Variants in CCDC83 observed in about 807,000 individuals in gnomAD.
CCDC83 encodes coiled-coil domain-containing protein 83.
In CCDC83, 54 loss-of-function variants were observed where a neutral mutation model predicts 50.1. That is an observed-to-expected ratio of 1.08 (90% CI 0.87 to 1.35). The LOEUF is 1.35. Among genes scored for constraint, CCDC83 ranks in the 40% most tolerant of loss-of-function variants. The pLI is 0.00. For missense variants in CCDC83, 518 were observed against 473.9 expected (o/e 1.09, Z -0.86); for synonymous variants, 161 against 153.3 (o/e 1.05, Z -0.37).
At chr11:85,882,863 A>G (rs17744675) in intron 4 of CCDC83, among the ~76,000 whole-genome samples, 188 bp downstream of exon 4, 21,019 of 152,188 alleles carry the variant, frequency 0.14, 1,783 homozygotes, top group Middle Eastern at 0.19. Flanking sequence ...GGGTAGAGGT[A>G]ATGAAGCCAA....
intron 3 of CCDC83, among the ~76,000 whole-genome samples, chr11:85,879,250 T>G (rs965794153): frequency 1.3e-5 from 2 of 152,204 alleles, no homozygotes; most frequent in African/African-American, 4.8e-5. Context: ...TTCTAAAATT[T>G]TTGTAGTTTC....
intron 10 of CCDC83, 62 bp from the exon 11 acceptor site, chr11:85,919,287 C>A: frequency 6.9e-7 from 1 of 1,451,920 alleles, no homozygotes; most frequent in Non-Finnish European, 9.3e-7. Context: ...AAAGCCTAAT[C>A]TATCAAGCTG....
At chr11:85,865,709 G>A (rs1182265136) in intron 2 of CCDC83, among the ~76,000 whole-genome samples, 2 of 152,080 alleles carry the variant, frequency 1.3e-5, no homozygotes, top group Non-Finnish European at 2.9e-5. Flanking sequence ...CCAACATGGT[G>A]AAACCAGGTC....
At chr11:85,910,552 A>T (rs938919791) in intron 7 of CCDC83, among the ~76,000 whole-genome samples, 1 of 152,146 alleles carries the variant, frequency 6.6e-6, no homozygotes, top group Non-Finnish European at 1.5e-5. Context: ...TTTTCATTGT[A>T]TTGTTTATAA....
chr11:85,904,916 G>A (rs2093418139), intron 7 of CCDC83, among the ~76,000 whole-genome samples: 1 of 151,818 alleles, frequency 6.6e-6, no homozygotes, highest in African/African-American at 2.4e-5. Context: ...TCTTTAAATT[G>A]TCATTATTAA....
At chr11:85,858,973 G>C (rs1317799811) in intron 1 of CCDC83, among the ~76,000 whole-genome samples, 1 of 152,020 alleles carries the variant, frequency 6.6e-6, no homozygotes, top group Non-Finnish European at 1.5e-5. Context: ...AAAGGACAGA[G>C]AATTGATAGC....
rs2093177709 is a variant in CCDC83, at chr11:85,861,854, A to T, written c.-28-3242A>T. Among the ~76,000 whole-genome samples the T allele has an allele frequency of 2.6e-5, 4 of 151,924 alleles. No homozygotes were observed. In the South Asian group the frequency reaches 6.2e-4, roughly 24 times the overall value. ...CAAAACCCCCTCTTTACAAAAAATT[A>T]AAAAATTAGCCAGGCATGGTAGCAT... On this transcript the variant is annotated intron_variant, in intron 1 of 10. Transcript: ENST00000342404.
intron 10 of CCDC83, among the ~76,000 whole-genome samples, chr11:85,916,957 CA>C (rs2093479801): frequency 6.6e-6 from 1 of 151,128 alleles, no homozygotes; most frequent in African/African-American, 2.4e-5. Context: ...CTAAATATAC[CA>C]AAAATAGCTG....
intron 7 of CCDC83, among the ~76,000 whole-genome samples, chr11:85,902,913 ATTTTT>A (rs570971618): frequency 2.0e-5 from 3 of 152,094 alleles, no homozygotes; most frequent in Non-Finnish European, 4.4e-5. Flanking sequence ...GGAATACTGC[ATTTTT>A]TATGTGTTTG....
Position 85,879,044 on chromosome 11 carries a change from T to C in CCDC83, c.181-3469T>C, listed in dbSNP as rs1479311449. ...CTTCTAAAACTAGTCCTTTCTTGGATATGTTATTTGCAAATATTTTCTCCT... is the reference window on the plus strand; with the variant it reads ...CTTCTAAAACTAGTCCTTTCTTGGACATGTTATTTGCAAATATTTTCTCCT... On this transcript the variant is annotated intron_variant, in intron 3 of 10. Coordinates refer to ENST00000342404, the MANE Select transcript of CCDC83 (RefSeq NM_001286159.2). Among the ~76,000 whole-genome samples, 3 of 152,288 alleles carry C rather than the reference T, an allele frequency of 2.0e-5. No individual in the cohort carries two copies. In the East Asian group the frequency reaches 5.8e-4, roughly 29 times the overall value.
intron 1 of CCDC83, among the ~76,000 whole-genome samples, chr11:85,861,736 C>T (rs570172582): frequency 2.0e-5 from 3 of 152,020 alleles, no homozygotes; most frequent in East Asian, 3.9e-4. Flanking sequence ...GGGCCAAGTG[C>T]GGTGGCTCAT....
At chr11:85,869,827 C>G (rs2093227410) in intron 2 of CCDC83, among the ~76,000 whole-genome samples, 2 of 152,244 alleles carry the variant, frequency 1.3e-5, no homozygotes, top group Non-Finnish European at 2.9e-5. Context: ...TAAGCTTCAT[C>G]TGCTTCCTGG....
intron 3 of CCDC83, among the ~76,000 whole-genome samples, chr11:85,876,093 A>G (rs2093267779): frequency 6.6e-6 from 1 of 152,056 alleles, no homozygotes; most frequent in Non-Finnish European, 1.5e-5. Context: ...GGGTTCCAGG[A>G]CCTCACTGCA....
chr11:85,858,489 A>G (rs146123539), intron 1 of CCDC83, among the ~76,000 whole-genome samples: 1 of 152,190 alleles, frequency 6.6e-6, no homozygotes, highest in Non-Finnish European at 1.5e-5. Context: ...AGTGTCCCCT[A>G]TTGACTCCCT....
intron 9 of CCDC83, 110 bp downstream of exon 9, chr11:85,915,608 A>T (rs973252867): frequency 4.3e-6 from 3 of 698,562 alleles, no homozygotes; most frequent in African/African-American, 3.6e-5. Flanking sequence ...AGCTATTCAG[A>T]GAATAGACAC....
intron 1 of CCDC83, among the ~76,000 whole-genome samples, chr11:85,859,619 T>A (rs980144161): frequency 6.6e-6 from 1 of 152,214 alleles, no homozygotes; most frequent in Non-Finnish European, 1.5e-5. Context: ...GCTAGCCATA[T>A]GTGGAAGATT....
chr11:85,900,990 G>A (rs1188643110), intron 7 of CCDC83, among the ~76,000 whole-genome samples: 4 of 151,800 alleles, frequency 2.6e-5, no homozygotes, highest in Admixed American at 6.6e-5. Context: ...GCTTGAGCCC[G>A]GGAGGCAGAG....
chr11:85,870,375 AAAG>A (rs1352001848), intron 2 of CCDC83, among the ~76,000 whole-genome samples: 2 of 152,238 alleles, frequency 1.3e-5, no homozygotes, highest in Non-Finnish European at 2.9e-5. Flanking sequence ...CTACCCATGT[AAAG>A]AAGTAGTATT....
intron 2 of CCDC83, among the ~76,000 whole-genome samples, chr11:85,870,508 G>C (rs1415651108): frequency 6.6e-6 from 1 of 152,064 alleles, no homozygotes; most frequent in Non-Finnish European, 1.5e-5. Context: ...AGGTAGAAAA[G>C]GCACTCCTTC....
Sources: allele counts gnomAD v4.1 joint callset (sites outside exome capture counted in the v4.1 genomes callset), GRCh38; gene constraint gnomAD v4.1.1; transcripts MANE v1.5; gene names NCBI Gene and HGNC (gene_info 2026-07-23, HGNC 2026-07-21).